The following METAP2 variants were observed in gnomAD, a reference collection of about 807,000 sequenced individuals.
METAP2 encodes methionyl aminopeptidase 2, also known as methionine aminopeptidase 2.
A neutral mutation model predicts 59.4 loss-of-function variants in METAP2; 25 were observed. The observed-to-expected ratio is 0.42, with a 90% CI of 0.31 to 0.59. The LOEUF (loss-of-function observed/expected upper bound fraction) is 0.59. METAP2 is among the 20% of genes least tolerant of loss of function. The pLI is 0.16. For missense variants in METAP2, 366 were observed against 581.2 expected, an observed-to-expected ratio of 0.63 and a Z score of 3.81; for synonymous variants, 214 against 194.1, an observed-to-expected ratio of 1.10 and a Z score of -0.85.
intron 8 of METAP2, among the ~76,000 whole-genome samples, chr12:95,504,777 A>G (rs1218155964): frequency 6.6e-5 from 10 of 152,140 alleles, no homozygotes; most frequent in Admixed American, 6.5e-4. Context: ...GTGCAGGGAT[A>G]ACAGGTGTGA....
chr12:95,475,408 G>GT (rs1255446287), intron 1 of METAP2, among the ~76,000 whole-genome samples: 1 of 152,188 alleles, frequency 6.6e-6, no homozygotes, highest in Non-Finnish European at 1.5e-5. Context: ...TGTTTGTCTT[G>GT]TAAGGTGTTA....
chr12:95,475,830 G>GT, intron 1 of METAP2, among the ~76,000 whole-genome samples: 1 of 148,214 alleles, frequency 6.7e-6, no homozygotes. Flanking sequence ...AGTTCACGCT[G>GT]TTTATCTTTT....
intron 8 of METAP2, among the ~76,000 whole-genome samples, chr12:95,510,667 C>G (rs2076395743): frequency 6.6e-6 from 1 of 152,162 alleles, no homozygotes; most frequent in Admixed American, 6.5e-5. Context: ...ACACTGCTTT[C>G]CAATTACAGC....
chr12:95,474,859 A>T (rs1041735060), intron 1 of METAP2, among the ~76,000 whole-genome samples: 1 of 152,046 alleles, frequency 6.6e-6, no homozygotes, highest in East Asian at 1.9e-4. Flanking sequence ...GTGTGTGTAC[A>T]TGTGTGTTTG....
intron 4 of METAP2, among the ~76,000 whole-genome samples, chr12:95,486,986 G>T (rs2076202182): frequency 1.3e-5 from 2 of 152,216 alleles, no homozygotes; most frequent in Non-Finnish European, 2.9e-5. Context: ...TTGAATCCCA[G>T]TTCTGACATT....
rs746245394 is a variant in METAP2 at position 95,485,990 on chromosome 12, C to G, written c.428+9C>G. ...CCACCCACACAAGATGGGTAAGGATCATCAAATCACTTCCAGTTTAATTTC... is the reference window on the plus strand; with the variant it reads ...CCACCCACACAAGATGGGTAAGGATGATCAAATCACTTCCAGTTTAATTTC... On this transcript the variant is annotated intron_variant, in intron 4 of 10. Transcript: ENST00000323666. The G allele has an allele frequency of 4.0e-6, 6 of 1,508,988 alleles. No homozygotes were observed. The highest frequency in any genetic ancestry group is 5.4e-6 in the Non-Finnish European group (6 of 1,101,126). The allele number at this position is 1,508,988 out of a possible 1,614,324, so 93.5% of individuals were successfully genotyped here. A position where few individuals can be genotyped will look rare whatever the true frequency, so the allele number is the denominator to read the frequency against.
chr12:95,478,861 A>G (rs2140137944), intron 2 of METAP2, among the ~76,000 whole-genome samples: 1 of 152,252 alleles, frequency 6.6e-6, no homozygotes, highest in East Asian at 1.9e-4. Flanking sequence ...CATTGTGGTA[A>G]TACAAGCTTG....
intron 7 of METAP2, among the ~76,000 whole-genome samples, chr12:95,497,209 A>G (rs1049112200): frequency 2.0e-5 from 3 of 152,084 alleles, no homozygotes; most frequent in Non-Finnish European, 4.4e-5. Context: ...TTTACTCTTC[A>G]TGTTATAAAA....
chr12:95,486,898 T>C (rs1157385148), intron 4 of METAP2, among the ~76,000 whole-genome samples: 2 of 152,240 alleles, frequency 1.3e-5, no homozygotes, highest in Non-Finnish European at 2.9e-5. Context: ...TCTGTAAGGA[T>C]ACATTTAAAA....
intron 4 of METAP2, among the ~76,000 whole-genome samples, chr12:95,486,731 A>C (rs1361739555): frequency 6.6e-6 from 1 of 152,136 alleles, no homozygotes; most frequent in African/African-American, 2.4e-5. Flanking sequence ...TCCCAACCTC[A>C]GGTGATCCGC....
At chr12:95,479,546 A>T (rs2076143728) in intron 2 of METAP2, among the ~76,000 whole-genome samples, 1 of 152,148 alleles carries the variant, frequency 6.6e-6, no homozygotes, top group African/African-American at 2.4e-5. Context: ...TGCTGGAGGT[A>T]ATTCATTCAA....
At chr12:95,492,840 A>C (rs2076249071) in intron 4 of METAP2, among the ~76,000 whole-genome samples, 1 of 152,184 alleles carries the variant, frequency 6.6e-6, no homozygotes, top group Admixed American at 6.5e-5. Context: ...GGCAGAGTTG[A>C]GTGAACTTTT....
Position 95,507,372 on chromosome 12 carries a change from G to A in METAP2, c.964+3211G>A, listed in dbSNP as rs146964553. On this transcript the variant is annotated intron_variant, in intron 8 of 10. Transcript: ENST00000323666. ...TTCAGGCTCTTCCAAATCGCTCTTC[G>A]CATCCAGGAAATTACTTACCTGATG... Among the ~76,000 whole-genome samples the A allele has an allele frequency of 6.2e-4, 95 of 152,312 alleles. 2 individuals carry two copies. In the East Asian group the frequency reaches 0.011, roughly 18 times the overall value.
intron 7 of METAP2, 29 bp downstream of exon 7, chr12:95,496,127 C>T (rs747919525): frequency 1.6e-5 from 23 of 1,429,748 alleles, no homozygotes; most frequent in South Asian, 2.4e-5. Flanking sequence ...CCATTTCATT[C>T]CCAATATTTT....
At chr12:95,507,841 C>T (rs1268029460) in intron 8 of METAP2, among the ~76,000 whole-genome samples, 1 of 150,944 alleles carries the variant, frequency 6.6e-6, no homozygotes, top group South Asian at 2.1e-4. Flanking sequence ...CAATGGTGCG[C>T]GATCTCGGCT....
At chr12:95,487,540 T>C (rs1473482746) in intron 4 of METAP2, among the ~76,000 whole-genome samples, 1 of 152,022 alleles carries the variant, frequency 6.6e-6, no homozygotes, top group Non-Finnish European at 1.5e-5. Flanking sequence ...ATTAATAAAT[T>C]CTTATAGTAC....
At chr12:95,493,773 G>A (rs553759541) in intron 4 of METAP2, among the ~76,000 whole-genome samples, 5 of 152,260 alleles carry the variant, frequency 3.3e-5, no homozygotes, top group Admixed American at 1.3e-4. Flanking sequence ...AGACTTTTCT[G>A]ATTGTTTTAT....
intron 8 of METAP2, among the ~76,000 whole-genome samples, chr12:95,505,550 A>G (rs1210306041): frequency 1.3e-5 from 2 of 151,732 alleles, no homozygotes; most frequent in African/African-American, 2.4e-5. Context: ...CAGTGGCACG[A>G]TCTCGGCTCA....
intron 4 of METAP2, among the ~76,000 whole-genome samples, chr12:95,489,630 C>A (rs939561496): frequency 6.6e-6 from 1 of 152,186 alleles, no homozygotes; most frequent in Admixed American, 6.5e-5. Context: ...TATCACAACT[C>A]ACCTTTGAAA....
Sources: allele counts gnomAD v4.1 joint callset (sites outside exome capture counted in the v4.1 genomes callset), GRCh38; gene constraint gnomAD v4.1.1; transcripts MANE v1.5; gene names NCBI Gene and HGNC (gene_info 2026-07-23, HGNC 2026-07-21).